The following POLR1C variants were observed in gnomAD, a reference collection of about 807,000 sequenced individuals.
POLR1C encodes the protein RNA polymerase I and III subunit C, also known as DNA-directed RNA polymerases I and III subunit RPAC1.
A neutral mutation model predicts 38.3 loss-of-function variants in POLR1C; 42 were observed. The observed-to-expected ratio is 1.10, with a 90% CI of 0.86 to 1.42. POLR1C has a LOEUF of 1.42. POLR1C is among the 40% of genes most tolerant of loss of function. The pLI is 0.00. For synonymous variants in POLR1C, 163 were observed against 163.9 expected (o/e 0.99, Z 0.04); for missense variants, 507 against 450.5 (o/e 1.13, Z -1.14).
At chr6:43,549,360 G>A (rs965202601) in intron 9 of POLR1C, 20 of 891,114 alleles carry the variant, frequency 2.2e-5, no homozygotes, top group African/African-American at 1.2e-4. Context: ...CACCATGCCC[G>A]GCCAAGGATG....
rs1374880728 is a variant in POLR1C at position 43,546,596 on chromosome 6, G to A, written c.*5-4372G>A. 1 of 1,611,152 alleles carries A rather than the reference G, an allele frequency of 6.2e-7. No homozygotes were observed. Among genetic ancestry groups the A allele is most frequent in the Non-Finnish European group, 8.5e-7 (1 of 1,179,146 alleles). On this transcript the variant is annotated intron_variant, in intron 9 of 10. Coordinates refer to the POLR1C transcript ENST00000607635. Reference sequence around the variant, plus strand: ...CTTATAAGCGCAAGCAAATTGTCAAGAAGTTTCAGAATCTGCTCTGTGCAG... The same window carrying A: ...CTTATAAGCGCAAGCAAATTGTCAAAAAGTTTCAGAATCTGCTCTGTGCAG...
intron 9 of POLR1C, among the ~76,000 whole-genome samples, chr6:43,535,813 CAAAA>C (rs60341205): frequency 1.4e-5 from 1 of 71,824 alleles, no homozygotes; most frequent in Admixed American, 1.6e-4. Context: ...GACTCCATCT[CAAAA>C]AAAAAAAAAA....
chr6:43,542,120 T>A (rs1794727100), intron 9 of POLR1C, among the ~76,000 whole-genome samples: 1 of 152,176 alleles, frequency 6.6e-6, no homozygotes, highest in African/African-American at 2.4e-5. Flanking sequence ...TACTTACAGT[T>A]CATCTCAATT....
At chr6:43,540,092 C>T (rs539041531) in intron 9 of POLR1C, among the ~76,000 whole-genome samples, 1 of 152,134 alleles carries the variant, frequency 6.6e-6, no homozygotes, top group Non-Finnish European at 1.5e-5. Flanking sequence ...CCTGTCTCTA[C>T]TGAAGATACA....
chr6:43,526,537 G>A (rs893042761), intron 8 of POLR1C: 9 of 823,006 alleles, frequency 1.1e-5, no homozygotes, highest in Non-Finnish European at 6.0e-6. Flanking sequence ...GTATGATGGA[G>A]GCACACAGCA....
At chr6:43,535,813 CAAAAAAAA>C (rs60341205) in intron 9 of POLR1C, among the ~76,000 whole-genome samples, 10 of 71,792 alleles carry the variant, frequency 1.4e-4, no homozygotes, top group Middle Eastern at 0.018. Context: ...GACTCCATCT[CAAAAAAAA>C]AAAAAAAAAA....
intron 9 of POLR1C, among the ~76,000 whole-genome samples, chr6:43,548,747 T>A (rs943710850): frequency 6.6e-6 from 1 of 150,548 alleles, no homozygotes; most frequent in Non-Finnish European, 1.5e-5. Flanking sequence ...TATATGTATA[T>A]CTATATATAT....
intron 10 of POLR1C, chr6:43,560,361 A>G (rs1762354907): frequency 1.3e-6 from 2 of 1,513,508 alleles, no homozygotes; most frequent in African/African-American, 2.8e-5. Context: ...AACCCAGATT[A>G]TTACTTAGCA....
Position 43,520,254 on chromosome 6 carries a change from T to G in POLR1C, c.503-21T>G, listed in dbSNP as rs779700234. 3 of 1,613,394 alleles carry G rather than the reference T, an allele frequency of 1.9e-6. No homozygotes were observed. In the African/African-American group the frequency reaches 4.0e-5, roughly 22 times the overall value. On this transcript the variant is annotated intron_variant, in intron 5 of 8. Coordinates refer to ENST00000642195, the MANE Select transcript of POLR1C (RefSeq NM_203290.4). ...CTGCTAGTTTTAGGGACTGAGATCT[T>G]CTGACATGTTTTTCCTCCAGTGTAT...
intron 8 of POLR1C, chr6:43,526,795 C>T: frequency 1.3e-6 from 2 of 1,584,720 alleles, no homozygotes; most frequent in Non-Finnish European, 1.7e-6. Context: ...GTATATACTA[C>T]CACAACAGCC....
At position 43,537,356 on chromosome 6, in the gene POLR1C, T is replaced by A. The variant is rs558566017; in HGVS notation, c.*4+7997T>A. Among the ~76,000 whole-genome samples, 48 of 152,298 alleles carry A rather than the reference T, an allele frequency of 3.2e-4. No homozygotes were observed. In the East Asian group the frequency reaches 7.9e-3, roughly 25 times the overall value. On this transcript the variant is annotated intron_variant, in intron 9 of 10. Coordinates refer to the POLR1C transcript ENST00000607635. Reference sequence around the variant, plus strand: ...TCTTTTAAAGGCTAAACCTTTACTATTGTGTTGAACCCATCATCATCTACA... The same window carrying A: ...TCTTTTAAAGGCTAAACCTTTACTAATGTGTTGAACCCATCATCATCTACA...
At chr6:43,524,408 G>A, downstream of POLR1C, 1 of 1,539,086 alleles carries the variant, frequency 6.5e-7, no homozygotes, top group South Asian at 1.2e-5. Context: ...GCTGGTTTAT[G>A]GTTTGCCCAT....
intron 9 of POLR1C, among the ~76,000 whole-genome samples, chr6:43,540,929 A>AT (rs1396233369): frequency 3.3e-5 from 5 of 152,230 alleles, no homozygotes; most frequent in African/African-American, 1.2e-4. Context: ...ATAAAAAAAA[A>AT]AAGAGATCTT....
At chr6:43,522,569 C>A, downstream of POLR1C, 1 of 291,902 alleles carries the variant, frequency 3.4e-6, no homozygotes, top group South Asian at 2.7e-5. Flanking sequence ...CACAGAAACC[C>A]AGAGCACCAC....
At chr6:43,527,807 A>G (rs1793693584) in intron 8 of POLR1C, 8 of 1,478,504 alleles carry the variant, frequency 5.4e-6, no homozygotes, top group Admixed American at 5.4e-5. Context: ...CCCTAATCAG[A>G]CTCTCTCTGA....
intron 8 of POLR1C, chr6:43,526,633 C>A: frequency 6.2e-7 from 1 of 1,600,770 alleles, no homozygotes; most frequent in Non-Finnish European, 8.5e-7. Context: ...TCAGAAGGAA[C>A]AGTATTTAGG....
intron 9 of POLR1C, among the ~76,000 whole-genome samples, chr6:43,543,665 T>C (rs951674903): frequency 2.0e-5 from 3 of 151,510 alleles, no homozygotes; most frequent in African/African-American, 7.3e-5. Context: ...CAAGATAAAA[T>C]TTATTTAATT....
chr6:43,517,355 G>C lies in POLR1C; in HGVS notation c.119G>C (p.Trp40Ser), dbSNP rs1213145039. ...PGNYSGYDDA[W>S]DQDRFEKNFR... ...AACTATTCCGGTTATGATGATGCCTGGGACCAGGACCGCTTCGAGAAGGTA... is the reference window on the plus strand; with the variant it reads ...AACTATTCCGGTTATGATGATGCCTCGGACCAGGACCGCTTCGAGAAGGTA... Residue 40 changes from tryptophan to serine, a missense_variant, in exon 2 of 9, where the codon TGG (tryptophan) becomes TCG (serine). Trp to Ser is a radical substitution (Grantham distance 177). Transcript: ENST00000642195. 3 of 1,614,046 alleles carry C rather than the reference G, an allele frequency of 1.9e-6. No individual in the cohort carries two copies.
chr6:43,529,149 T>A (rs1238179848), intron 8 of POLR1C: 4 of 1,339,168 alleles, frequency 3.0e-6, no homozygotes, highest in Non-Finnish European at 1.0e-6. Flanking sequence ...TCCGTCAGGC[T>A]GCACATTATG....
Sources: allele counts gnomAD v4.1 joint callset (sites outside exome capture counted in the v4.1 genomes callset), GRCh38; gene constraint gnomAD v4.1.1; transcripts MANE v1.5; gene names NCBI Gene and HGNC (gene_info 2026-07-23, HGNC 2026-07-21).